Variants in TNK2 observed in about 807,000 individuals in gnomAD.
TNK2 encodes the protein tyrosine kinase non receptor 2, also known as activated CDC42 kinase 1.
In TNK2, 83 loss-of-function variants were observed where a neutral mutation model predicts 101.8. The observed-to-expected ratio is 0.82, with a 90% CI of 0.68 to 0.98. TNK2 has a LOEUF of 0.98. Among genes scored for constraint, TNK2 ranks in the 50% least tolerant of loss-of-function variants. The pLI is 0.00. For missense variants in TNK2, 1,665 were observed against 1,483.2 expected, an observed-to-expected ratio of 1.12 and a Z score of -2.01; for synonymous variants, 804 against 633.0, an observed-to-expected ratio of 1.27 and a Z score of -4.06.
rs967904854 is a variant in TNK2, at chr3:195,878,200, G to A, written c.1256+53C>T. On this transcript the variant is annotated intron_variant, in intron 9 of 15. Coordinates refer to ENST00000672887, the MANE Select transcript of TNK2 (RefSeq NM_001382273.1). The surrounding 1 kb of genome is among the most constrained non-coding windows in gnomAD (Gnocchi z 4.7). ...AACAGATCTGTCCACAGGTCCCTCCGACCTGTGCCCTTCAAGCGATCCCAG... is the reference window on the plus strand; with the variant it reads ...AACAGATCTGTCCACAGGTCCCTCCAACCTGTGCCCTTCAAGCGATCCCAG... The A allele has an allele frequency of 5.7e-5, 91 of 1,583,604 alleles. No homozygotes were observed. Among genetic ancestry groups the A allele is most frequent in the Non-Finnish European group, 7.3e-5 (84 of 1,152,840 alleles).
intron 10 of TNK2, 63 bp from the exon 11 acceptor site, chr3:195,870,268 A>G: frequency 6.3e-7 from 1 of 1,588,200 alleles, no homozygotes; most frequent in African/African-American, 1.3e-5. Flanking sequence ...GCAGAATCTC[A>G]TCAGAGCCCC....
At chr3:195,873,337 T>G (rs546253767) in intron 9 of TNK2, among the ~76,000 whole-genome samples, 1 of 152,278 alleles carries the variant, frequency 6.6e-6, no homozygotes, top group African/African-American at 2.4e-5. Flanking sequence ...CACTCCTGAC[T>G]CCCGAAGGCT....
chr3:195,903,382 TG>T (rs1761420537), intron 1 of TNK2, among the ~76,000 whole-genome samples: 1 of 152,194 alleles, frequency 6.6e-6, no homozygotes. Flanking sequence ...ATGCATCCCC[TG>T]GAAGATCAGA....
intron 1 of TNK2, chr3:195,895,618 C>T (rs1199808759): frequency 2.3e-6 from 3 of 1,286,066 alleles, no homozygotes; most frequent in East Asian, 6.3e-5. Context: ...CGGGCTGACC[C>T]CCACCGAGAG....
chr3:195,868,194 G>T lies in TNK2; in HGVS notation c.2104C>A (p.Leu702Met). 1.2e-6 allele frequency: 2 copies of T among 1,609,326 alleles called. No individual in the cohort carries two copies. The highest frequency in any genetic ancestry group is 1.1e-5 in the South Asian group (1 of 90,870). Residue 702 changes from leucine to methionine, a missense_variant, in exon 13 of 16, where the codon CTG becomes ATG. This residue lies in a region of TNK2 where 1,136 missense variants were observed against 894.9 expected (regional missense o/e 1.27). Transcript: ENST00000672887. The part of the protein sequence containing the change: ...ARPPPPLEDN[L>M]FLPPQGGGKP... Reference sequence around the variant, plus strand: ...CCCCCACCCTGGGGCGGGAGGAACAGGTTGTCCTCCAGGGGAGGGGGCGGC... The same window carrying T: ...CCCCCACCCTGGGGCGGGAGGAACATGTTGTCCTCCAGGGGAGGGGGCGGC...
Position 195,888,504 on chromosome 3 carries a change from C to A in TNK2, c.85G>T (p.Asp29Tyr). The A allele has an allele frequency of 6.2e-7, 1 of 1,613,918 alleles. No homozygotes were observed. Among genetic ancestry groups the A allele is most frequent in the Non-Finnish European group, 8.5e-7 (1 of 1,180,014 alleles). ...LQQYFLRLRD[D>Y]LNVTRLSHFE... is the part of the protein sequence containing the mutation. Reference sequence around the variant, plus strand: ...TGGGACAGGCGGGTGACGTTGAGGTCATCTCGGAGCCGCAGGAAGTACTGT... The same window carrying A: ...TGGGACAGGCGGGTGACGTTGAGGTAATCTCGGAGCCGCAGGAAGTACTGT... Residue 29 changes from aspartate to tyrosine, a missense_variant, in exon 2 of 16, where the codon GAC becomes TAC. Around this residue, in one of 3 missense-constraint regions of TNK2, gnomAD observed 490 missense variants for 522.5 expected, o/e 0.94. Transcript: ENST00000672887. The surrounding 1 kb of genome is among the most constrained non-coding windows in gnomAD (Gnocchi z 5.3).
chr3:195,876,008 C>T (rs1345353164), intron 9 of TNK2, among the ~76,000 whole-genome samples: 1 of 152,168 alleles, frequency 6.6e-6, no homozygotes, highest in Non-Finnish European at 1.5e-5. Context: ...CCCTAGGGGT[C>T]CCAGGCGCCC....
At chr3:195,868,783 G>C in intron 12 of TNK2, 74 bp from the exon 13 acceptor site, 5 of 1,455,920 alleles carry the variant, frequency 3.4e-6, no homozygotes, top group Non-Finnish European at 2.7e-6. Flanking sequence ...GTGGCACGTG[G>C]GAGAGAAAGC....
chr3:195,880,388 CACA>C, intron 6 of TNK2, among the ~76,000 whole-genome samples: 1 of 134,688 alleles, frequency 7.4e-6, no homozygotes, highest in Non-Finnish European at 1.7e-5. Context: ...TTGGAGAGGA[CACA>C]GCATCTATCC....
At chr3:195,899,754 T>C (rs922875553) in intron 1 of TNK2, among the ~76,000 whole-genome samples, 3 of 152,266 alleles carry the variant, frequency 2.0e-5, no homozygotes, top group African/African-American at 7.2e-5. Flanking sequence ...TGCTGTGGTC[T>C]GTACATCGTA....
chr3:195,887,899 CGT>C lies in TNK2; in HGVS notation c.163+525_163+526del, dbSNP rs750822924. ...GAGCGCGTGCGTACGCACGTGCATG[CGT>C]GTGTGCACGTGCATGCGTGCGTGCA... On this transcript the variant is annotated intron_variant, in intron 2 of 15. Coordinates refer to ENST00000672887, the MANE Select transcript of TNK2 (RefSeq NM_001382273.1). Among the ~76,000 whole-genome samples the C allele has an allele frequency of 1.5e-4, 19 of 123,434 alleles. 1 individual carries two copies. The highest frequency in any genetic ancestry group is 4.5e-4 in the South Asian group (2 of 4,416). The allele number at this position is 123,434 out of a possible 152,430, so 81.0% of individuals were successfully genotyped here. A position where few individuals can be genotyped will look rare whatever the true frequency, so the allele number is the denominator to read the frequency against.
At chr3:195,900,737 G>A (rs964998447) in intron 1 of TNK2, among the ~76,000 whole-genome samples, 1 of 152,214 alleles carries the variant, frequency 6.6e-6, no homozygotes, top group Non-Finnish European at 1.5e-5. Context: ...GCTGCCTCTC[G>A]TTGCCTGTCC....
In TNK2 at chr3:195,899,483, C is replaced by T. The variant is rs1219771240; in HGVS notation, c.-19+9002G>A. Reference sequence around the variant, plus strand: ...CTGAGATTACAAGTGTGCGCCACCACGCCCAGCTAATTTTTATATTTTTAG... The same window carrying T: ...CTGAGATTACAAGTGTGCGCCACCATGCCCAGCTAATTTTTATATTTTTAG... On this transcript the variant is annotated intron_variant, in intron 1 of 15. Transcript: ENST00000672887. Among the ~76,000 whole-genome samples, 6 of 152,044 alleles carry T rather than the reference C, an allele frequency of 3.9e-5. No homozygotes were observed. The East Asian group carries it at 5.8e-4, about 15-fold the overall frequency.
intron 12 of TNK2, 153 bp downstream of exon 12, chr3:195,869,344 G>C (rs948085766): frequency 3.5e-5 from 28 of 802,694 alleles, no homozygotes; most frequent in Non-Finnish European, 5.2e-5. Flanking sequence ...AGGGGGGGCA[G>C]GCATGCTAGG....
chr3:195,883,133 C>T (rs1427150797), intron 5 of TNK2, 24 bp downstream of exon 5: 3 of 1,594,702 alleles, frequency 1.9e-6, no homozygotes, highest in Non-Finnish European at 2.6e-6. Flanking sequence ...TCCCTGCCCG[C>T]CCCCTCCCGC....
intron 1 of TNK2, chr3:195,892,614 T>C: frequency 1.4e-6 from 2 of 1,453,316 alleles, no homozygotes; most frequent in Non-Finnish European, 9.1e-7. Context: ...AAGAACGGGG[T>C]GGGCCCCTCC....
chr3:195,896,265 CA>C (rs1306321587), intron 1 of TNK2: 1 of 364,410 alleles, frequency 2.7e-6, no homozygotes, highest in Non-Finnish European at 5.4e-6. Flanking sequence ...TCTTTAGTAC[CA>C]GGTATTTAGG....
chr3:195,887,343 T>G (rs991610367), intron 2 of TNK2, among the ~76,000 whole-genome samples: 3 of 152,216 alleles, frequency 2.0e-5, no homozygotes, highest in African/African-American at 7.2e-5. Flanking sequence ...ATGTTGAGGT[T>G]TTTTTCCCTC....
Position 195,867,777 on chromosome 3 carries a change from T to C in TNK2, c.2521A>G (p.Lys841Glu). 1 of 1,581,406 alleles carries C rather than the reference T, an allele frequency of 6.3e-7. No homozygotes were observed. Among genetic ancestry groups the C allele is most frequent in the South Asian group, 1.1e-5 (1 of 87,052 alleles). The change falls in exon 13 of 16, where the codon AAG (lysine) becomes GAG (glutamate). Residue 841 changes from lysine (K) to glutamate (E), a missense_variant. By Grantham distance (56) the Lys-to-Glu change is moderately conservative. Around this residue, in one of 3 missense-constraint regions of TNK2, gnomAD observed 1,136 missense variants for 894.9 expected, o/e 1.27. Coordinates refer to ENST00000672887, the MANE Select transcript of TNK2 (RefSeq NM_001382273.1). ...TGGATCACCTGGGGGGTGGCGTACT[T>C]GGGGTCTGAGGCAAAGCTCTGGGTG... ...PTTQSFASDP[K>E]YATPQVIQAP...
Sources: allele counts gnomAD v4.1 joint callset (sites outside exome capture counted in the v4.1 genomes callset), GRCh38; gene constraint gnomAD v4.1.1; regional missense constraint gnomAD v4.1.1; non-coding constraint Gnocchi (gnomAD v3.1); transcripts MANE v1.5; gene names NCBI Gene and HGNC (gene_info 2026-07-23, HGNC 2026-07-21).